Variants in SNTG1 observed in about 807,000 individuals in gnomAD.
SNTG1 encodes the protein gamma-1-syntrophin.
A neutral mutation model predicts 74.7 loss-of-function variants in SNTG1; 39 were observed. The observed-to-expected ratio is 0.52, with a 90% confidence interval of 0.40 to 0.68. SNTG1 has a LOEUF of 0.68. Ranked by LOEUF, SNTG1 falls within the 30% of genes least tolerant of loss-of-function variation. The pLI, the probability that SNTG1 is intolerant of heterozygous loss-of-function variation, is 0.00. For missense variants in SNTG1, 685 were observed against 609.5 expected (o/e 1.12, Z -1.30); for synonymous variants, 254 against 217.1 (o/e 1.17, Z -1.49).
intron 8 of SNTG1, among the ~76,000 whole-genome samples, chr8:50,487,704 G>GC (rs1554544216): frequency 2.7e-5 from 4 of 149,800 alleles, no homozygotes; most frequent in Admixed American, 1.3e-4. Context: ...GGAGGGGGGG[G>GC]AGGGATAGCA....
chr8:50,181,822 T>C (rs2083216058), intron 2 of SNTG1, among the ~76,000 whole-genome samples: 1 of 152,178 alleles, frequency 6.6e-6, no homozygotes, highest in African/African-American at 2.4e-5. Context: ...CAATTTGGGC[T>C]TTGCTGCATA....
chr8:50,431,784 G>A (rs2093239284), intron 4 of SNTG1, among the ~76,000 whole-genome samples: 1 of 152,132 alleles, frequency 6.6e-6, no homozygotes, highest in Non-Finnish European at 1.5e-5. Flanking sequence ...GACAAATGAT[G>A]TTGAACATGT....
At chr8:50,532,722 C>A (rs992562785) in intron 10 of SNTG1, among the ~76,000 whole-genome samples, 1 of 152,098 alleles carries the variant, frequency 6.6e-6, no homozygotes, top group Non-Finnish European at 1.5e-5. Context: ...TAGGAGAGGT[C>A]AAAGACATGA....
rs28820690 is a variant in SNTG1 at position 50,207,489 on chromosome 8, G to A, written c.-28+34854G>A. Among the ~76,000 whole-genome samples the A allele has an allele frequency of 8.2e-3, 1,240 of 151,400 alleles. 20 individuals are homozygous for A. Among genetic ancestry groups the A allele is most frequent in the African/African-American group, 0.029 (1,186 of 41,292 alleles). On this transcript the variant is annotated intron_variant, in intron 2 of 18. Transcript: ENST00000642720. The stretch of plus-strand genomic sequence containing the variant: ...TTATTAGTCTTGCTAGTGGTTTATC[G>A]ATGTTCTTGATCTCTTCAAAAAACT...
intron 12 of SNTG1, among the ~76,000 whole-genome samples, chr8:50,554,932 C>G (rs1253167492): frequency 6.6e-6 from 1 of 151,990 alleles, no homozygotes; most frequent in Non-Finnish European, 1.5e-5. Flanking sequence ...TTTTCCTTAT[C>G]TAGATCCAAA....
At chr8:50,195,868 C>T (rs2083750129) in intron 2 of SNTG1, among the ~76,000 whole-genome samples, 1 of 152,116 alleles carries the variant, frequency 6.6e-6, no homozygotes, top group Non-Finnish European at 1.5e-5. Context: ...TGCAGTCGGC[C>T]TGGAGCTAAA....
intron 1 of SNTG1, among the ~76,000 whole-genome samples, chr8:50,081,420 A>G (rs1822396514): frequency 6.6e-6 from 1 of 152,104 alleles, no homozygotes; most frequent in Non-Finnish European, 1.5e-5. Context: ...TCCGTTTGGC[A>G]TTTATCAGGT....
chr8:50,613,617 A>T (rs1368133757), intron 13 of SNTG1, among the ~76,000 whole-genome samples: 3 of 152,172 alleles, frequency 2.0e-5, no homozygotes, highest in Non-Finnish European at 4.4e-5. Flanking sequence ...TGTTTATAAA[A>T]ACATATGTTA....
chr8:49,980,964 T>C (rs1812624361), intron 1 of SNTG1, among the ~76,000 whole-genome samples: 1 of 152,178 alleles, frequency 6.6e-6, no homozygotes, highest in Non-Finnish European at 1.5e-5. Flanking sequence ...TTCCCATACA[T>C]TAGTCTCTTC....
chr8:50,028,902 T>G (rs1563493961), intron 1 of SNTG1, among the ~76,000 whole-genome samples: 1 of 152,204 alleles, frequency 6.6e-6, no homozygotes, highest in Non-Finnish European at 1.5e-5. Flanking sequence ...TTTTGTGTGC[T>G]TATTTTCCAT....
At chr8:50,505,996 G>A (rs2094003169) in intron 9 of SNTG1, among the ~76,000 whole-genome samples, 1 of 151,886 alleles carries the variant, frequency 6.6e-6, no homozygotes, top group Non-Finnish European at 1.5e-5. Context: ...CTAATGTTTA[G>A]GTATTTGATT....
At chr8:50,393,683 T>G (rs1038552021) in intron 2 of SNTG1, among the ~76,000 whole-genome samples, 2 of 152,238 alleles carry the variant, frequency 1.3e-5, no homozygotes, top group African/African-American at 4.8e-5. Flanking sequence ...TTAATATTAT[T>G]CACTCTGACA....
At chr8:50,629,557 A>G (rs2094981609) in intron 13 of SNTG1, among the ~76,000 whole-genome samples, 1 of 152,038 alleles carries the variant, frequency 6.6e-6, no homozygotes, top group Non-Finnish European at 1.5e-5. Flanking sequence ...GTGTTTGCTA[A>G]TCTTGTATGC....
chr8:50,695,357 A>G (rs920139709), intron 15 of SNTG1, among the ~76,000 whole-genome samples: 1 of 151,972 alleles, frequency 6.6e-6, no homozygotes, highest in Non-Finnish European at 1.5e-5. Context: ...GATACACAAA[A>G]TGCTTAGCAA....
At chr8:50,345,771 T>C (rs1367775225) in intron 2 of SNTG1, among the ~76,000 whole-genome samples, 1 of 152,240 alleles carries the variant, frequency 6.6e-6, no homozygotes, top group Non-Finnish European at 1.5e-5. Flanking sequence ...TTCTTTTATC[T>C]ATAAAAGTCT....
intron 2 of SNTG1, among the ~76,000 whole-genome samples, chr8:50,387,438 C>A (rs2092592803): frequency 6.6e-6 from 1 of 152,106 alleles, no homozygotes; most frequent in Non-Finnish European, 1.5e-5. Context: ...CATCTGTTAA[C>A]TTCCTCTGCA....
chr8:50,606,422 T>A (rs2094812850), intron 13 of SNTG1, among the ~76,000 whole-genome samples: 1 of 152,108 alleles, frequency 6.6e-6, no homozygotes, highest in Non-Finnish European at 1.5e-5. Flanking sequence ...AATGTTAATA[T>A]AAATGACAAA....
intron 1 of SNTG1, among the ~76,000 whole-genome samples, chr8:50,135,027 A>G (rs915313451): frequency 2.6e-5 from 4 of 152,148 alleles, no homozygotes; most frequent in Non-Finnish European, 5.9e-5. Flanking sequence ...CACAGGTTCA[A>G]TTATGTCAAC....
At chr8:50,057,514 CA>C (rs1057123562) in intron 1 of SNTG1, among the ~76,000 whole-genome samples, 1 of 152,064 alleles carries the variant, frequency 6.6e-6, no homozygotes, top group African/African-American at 2.4e-5. Flanking sequence ...AGGTCAAAGT[CA>C]AATCCAAGAT....
Sources: gnomAD v4.1 joint callset for allele counts (sites outside exome capture counted in the v4.1 genomes callset) on GRCh38, gnomAD v4.1.1 for gene constraint, MANE v1.5 for transcripts, NCBI Gene and HGNC (gene_info 2026-07-23, HGNC 2026-07-21) for gene names.